OR7C1: variants seen among roughly 807,000 people sequenced by gnomAD.
The protein encoded by OR7C1 is olfactory receptor 7C1.
For missense variants in OR7C1, 324 were observed against 383.3 expected, an observed-to-expected ratio of 0.85 and a Z score of 1.29; for synonymous variants, 152 against 160.7, an observed-to-expected ratio of 0.95 and a Z score of 0.41.
chr19:14,828,758 C>CAAAAAAAAAAAA (rs58983718), intron 1 of OR7C1, among the ~76,000 whole-genome samples: 8 of 35,154 alleles, frequency 2.3e-4, no homozygotes, highest in African/African-American at 7.4e-4. Context: ...GACTCCATCT[C>CAAAAAAAAAAAA]AAAAAAAAAA....
At chr19:14,807,591 C>T (rs1033958652) in intron 2 of OR7C1, among the ~76,000 whole-genome samples, 2 of 151,934 alleles carry the variant, frequency 1.3e-5, no homozygotes, top group Non-Finnish European at 2.9e-5. Flanking sequence ...CCTTGTGCCT[C>T]AGGTTAGCAC....
chr19:14,827,546 C>T (rs371579357), intron 1 of OR7C1: 132 of 1,614,138 alleles, frequency 8.2e-5, no homozygotes, highest in Middle Eastern at 4.9e-4. Context: ...TGTACTTCCC[C>T]TGAGCTGATG....
chr19:14,815,777 G>A (rs2044712902), intron 1 of OR7C1, among the ~76,000 whole-genome samples: 1 of 133,094 alleles, frequency 7.5e-6, no homozygotes, highest in African/African-American at 2.9e-5. Flanking sequence ...GAGTCTCTGA[G>A]TTTGTGCGTG....
exon 5 of OR7C1, chr19:14,799,995 C>A: frequency 6.2e-7 from 1 of 1,613,870 alleles, no homozygotes; most frequent in East Asian, 2.2e-5. Flanking sequence ...GAGCATATGG[C>A]CAGGATGATG....
At chr19:14,822,246 A>T (rs2145069660) in intron 1 of OR7C1, among the ~76,000 whole-genome samples, 1 of 152,146 alleles carries the variant, frequency 6.6e-6, no homozygotes, top group Non-Finnish European at 1.5e-5. Context: ...CACATATGGT[A>T]GTTCTATTTT....
At chr19:14,801,767 C>A (rs1448448564) in intron 2 of OR7C1, among the ~76,000 whole-genome samples, 1 of 152,202 alleles carries the variant, frequency 6.6e-6, no homozygotes, top group African/African-American at 2.4e-5. Context: ...GAAGAGGAAG[C>A]AAGCATCCTT....
At chr19:14,804,733 G>C (rs967561619) in intron 2 of OR7C1, among the ~76,000 whole-genome samples, 5 of 151,970 alleles carry the variant, frequency 3.3e-5, no homozygotes, top group Non-Finnish European at 7.3e-5. Flanking sequence ...ACTGTAATGT[G>C]TAAGTGGTTT....
chr19:14,828,543 G>A (rs1366600101), intron 1 of OR7C1, among the ~76,000 whole-genome samples: 1 of 151,996 alleles, frequency 6.6e-6, no homozygotes, highest in African/African-American at 2.4e-5. Context: ...GGCGGATCAC[G>A]AGGTCAAGAG....
chr19:14,815,390 T>C (rs763440048), intron 1 of OR7C1, among the ~76,000 whole-genome samples: 3 of 152,234 alleles, frequency 2.0e-5, no homozygotes, highest in Non-Finnish European at 2.9e-5. Context: ...CAGGGCCAGC[T>C]TCATGAATAT....
intron 1 of OR7C1, chr19:14,827,710 A>T: frequency 6.2e-6 from 10 of 1,614,192 alleles, no homozygotes; most frequent in Non-Finnish European, 8.5e-6. Context: ...AGTTCACAGA[A>T]AAAGTGGGGG....
At chr19:14,799,187 G>A in exon 5 of OR7C1, 1 of 1,609,758 alleles carries the variant, frequency 6.2e-7, no homozygotes, top group Non-Finnish European at 8.5e-7. Flanking sequence ...TGAAAGTCCT[G>A]CAGTGATGTC....
At chr19:14,819,912 A>G (rs1046524051) in intron 1 of OR7C1, among the ~76,000 whole-genome samples, 2 of 151,498 alleles carry the variant, frequency 1.3e-5, no homozygotes, top group South Asian at 2.1e-4. Context: ...TTATGCGTTT[A>G]TTTATTTATT....
intron 1 of OR7C1, among the ~76,000 whole-genome samples, chr19:14,821,184 G>A (rs918657678): frequency 3.9e-5 from 6 of 152,186 alleles, no homozygotes; most frequent in Non-Finnish European, 8.8e-5. Context: ...GTTGCTGTGA[G>A]CTGAGATCGC....
At chr19:14,804,080 G>C (rs1384175709) in intron 2 of OR7C1, among the ~76,000 whole-genome samples, 1 of 152,084 alleles carries the variant, frequency 6.6e-6, no homozygotes, top group African/African-American at 2.4e-5. Flanking sequence ...TCCTACCCAG[G>C]ATTGCATGCT....
intron 1 of OR7C1, among the ~76,000 whole-genome samples, chr19:14,831,627 T>C (rs1483343606): frequency 1.3e-5 from 2 of 152,006 alleles, no homozygotes; most frequent in African/African-American, 4.8e-5. Flanking sequence ...GTATTTTTAG[T>C]AGAGATGGGG....
chr19:14,800,008 C>T (rs1387013234), exon 5 of OR7C1: 1 of 1,614,038 alleles, frequency 6.2e-7, no homozygotes, highest in Non-Finnish European at 8.5e-7. Context: ...GGATGATGAG[C>T]AGGTTCCCGG....
intron 1 of OR7C1, among the ~76,000 whole-genome samples, chr19:14,817,459 G>A (rs758206135): frequency 2.2e-4 from 34 of 152,150 alleles, no homozygotes; most frequent in Non-Finnish European, 4.3e-4. Flanking sequence ...CTGCTGTCTC[G>A]TCTGGGGACA....
chr19:14,826,159 T>C (rs372061108), intron 1 of OR7C1: 12 of 152,282 alleles, frequency 7.9e-5, no homozygotes, highest in African/African-American at 2.9e-4. Flanking sequence ...ACGGGATAAG[T>C]TAAAGGTTTG....
At chr19:14,799,860 T>C in exon 5 of OR7C1, 3 of 1,614,096 alleles carry the variant, frequency 1.9e-6, no homozygotes, top group Non-Finnish European at 1.7e-6. Flanking sequence ...CCTGCATATG[T>C]TATGAATTTG....
Sources: gnomAD v4.1 joint callset for allele counts (sites outside exome capture counted in the v4.1 genomes callset) on GRCh38, gnomAD v4.1.1 for gene constraint, MANE v1.5 for transcripts, NCBI Gene and HGNC (gene_info 2026-07-23, HGNC 2026-07-21) for gene names.